Variants in ERCC3 observed in about 807,000 individuals in gnomAD.
The protein encoded by ERCC3 is general transcription and DNA repair factor IIH helicase/translocase subunit XPB.
Under a neutral mutation model 94.2 loss-of-function variants are expected in ERCC3, and 66 were observed. The ratio of observed to expected loss-of-function variants is 0.70; its 90% CI spans 0.57 to 0.86. ERCC3 has a LOEUF of 0.86. Among genes scored for constraint, ERCC3 ranks in the 40% least tolerant of loss-of-function variants. ERCC3 has a pLI of 0.00. For missense variants in ERCC3, 829 were observed against 987.1 expected (o/e 0.84, Z 2.15); for synonymous variants, 349 against 369.1 (o/e 0.95, Z 0.63).
At chr2:127,287,383 A>C (rs1294052803) in intron 7 of ERCC3, among the ~76,000 whole-genome samples, 1 of 152,266 alleles carries the variant, frequency 6.6e-6, no homozygotes, top group African/African-American at 2.4e-5. Context: ...CTGTAATCCC[A>C]GCACTTTGGG....
Position 127,292,618 on chromosome 2 carries a change from A to C in ERCC3, c.463T>G (p.Phe155Val). The C allele has an allele frequency of 6.2e-7, 1 of 1,608,702 alleles. No individual in the cohort carries two copies. Among genetic ancestry groups the C allele is most frequent in the Non-Finnish European group, 8.5e-7 (1 of 1,175,192 alleles). The change falls in exon 3 of 15, where the codon TTT becomes GTT. Residue 155 changes from phenylalanine (F) to valine (V), a missense_variant. Physicochemically the swap from Phe to Val is conservative, Grantham distance 50. Transcript: ENST00000285398. ...KTGVPDGIMQFIKLCTVSYGK... is the reference protein window; with the variant it reads ...KTGVPDGIMQVIKLCTVSYGK... Reference sequence around the variant, plus strand: ...TCTCAGCTGTCACTTGCCTTAATAAACTGCATAATTCCATCAGGGACTCCA... The same window carrying C: ...TCTCAGCTGTCACTTGCCTTAATAACCTGCATAATTCCATCAGGGACTCCA...
Position 127,280,812 on chromosome 2 carries a change from C to A in ERCC3, c.1343-181G>T. ...AAAGTGCTGGGATTACAGACGTGAC[C>A]CACTGCACCCAGCCTACACTGTCAC... On this transcript the variant is annotated intron_variant, in intron 8 of 14. Coordinates refer to ENST00000285398, the MANE Select transcript of ERCC3 (RefSeq NM_000122.2). The surrounding 1 kb of genome is among the most constrained non-coding windows in gnomAD (Gnocchi z 6.3). 1 of 628,058 alleles carries A rather than the reference C, an allele frequency of 1.6e-6. No individual in the cohort carries two copies. 38.9% of individuals were successfully genotyped at this position (628,058 alleles called of 1,614,324 possible).
chr2:127,276,340 A>G (rs1684735266), intron 10 of ERCC3, among the ~76,000 whole-genome samples: 2 of 152,242 alleles, frequency 1.3e-5, no homozygotes, highest in Admixed American at 1.3e-4. Context: ...CCAGGTTTTC[A>G]GTGACTTTAA....
chr2:127,293,811 T>G, intron 1 of ERCC3, 93 bp from the exon 2 acceptor site: 2 of 1,599,210 alleles, frequency 1.3e-6, no homozygotes, highest in South Asian at 2.2e-5. Context: ...CGCCGCAAAC[T>G]CCTAGCTAAG....
chr2:127,293,817 C>T (rs1685367792), intron 1 of ERCC3, 99 bp from the exon 2 acceptor site: 2 of 1,596,870 alleles, frequency 1.3e-6, no homozygotes, highest in African/African-American at 1.3e-5. Flanking sequence ...AAACTCCTAG[C>T]TAAGAGCCAC....
At position 127,258,287 on chromosome 2, in the gene ERCC3, C is replaced by A. The variant is rs528574648; in HGVS notation, c.2218-560G>T. Among the ~76,000 whole-genome samples, 1 of 152,138 alleles carries A rather than the reference C, an allele frequency of 6.6e-6. No individual in the cohort carries two copies. The highest frequency in any genetic ancestry group is 2.4e-5 in the African/African-American group (1 of 41,422). ...AAGTTCCTTAAAATCTCCTGAGACACCACCATAAGGCTTTGAATCAAGTGG... is the reference window on the plus strand; with the variant it reads ...AAGTTCCTTAAAATCTCCTGAGACAACACCATAAGGCTTTGAATCAAGTGG... On this transcript the variant is annotated intron_variant, in intron 14 of 14. Transcript: ENST00000285398. This position sits in a 1 kb window ranked among gnomAD's most constrained non-coding sequence, Gnocchi z 4.1.
chr2:127,282,101 C>A lies in ERCC3; in HGVS notation c.1343-1470G>T, dbSNP rs534235461. ...CAGCATACTACTCAATATATTTTTA[C>A]AGACATGCAGCTGTGGAACCACCTA... On this transcript the variant is annotated intron_variant, in intron 8 of 14. Transcript: ENST00000285398. Among the ~76,000 whole-genome samples the A allele has an allele frequency of 3.3e-5, 5 of 152,278 alleles. 1 individual carries two copies. The highest frequency in any genetic ancestry group is 9.6e-5 in the African/African-American group (4 of 41,554).
rs1383874408 is a variant in ERCC3 at position 127,279,346 on chromosome 2, G to A, written c.1557C>T (p.Tyr519=). The stretch of plus-strand genomic sequence containing the variant: ...TGGTTTTGATTGCCACATATTCCCG[G>A]TAAAATTCAGGAGACATAGGGCACC... ...EVWCPMSPEF[Y]REYVAIKTKK... is the part of the protein sequence containing the mutation. Residue 519 remains tyrosine, a synonymous_variant, in exon 10 of 15, where the codon TAC becomes TAT. Transcript: ENST00000285398. The surrounding 1 kb of genome is among the most constrained non-coding windows in gnomAD (Gnocchi z 4.7). The A allele has an allele frequency of 1.9e-6, 3 of 1,614,010 alleles. No homozygotes were observed. Among genetic ancestry groups the A allele is most frequent in the Non-Finnish European group, 2.5e-6 (3 of 1,179,922 alleles).
chr2:127,263,108 G>A (rs1322781251), intron 12 of ERCC3, among the ~76,000 whole-genome samples: 1 of 152,150 alleles, frequency 6.6e-6, no homozygotes, highest in Non-Finnish European at 1.5e-5. Context: ...CTTTGGCTTT[G>A]TTCCTTTTGC....
At chr2:127,266,721 T>TA (rs1558949904) in intron 12 of ERCC3, among the ~76,000 whole-genome samples, 1 of 145,110 alleles carries the variant, frequency 6.9e-6, no homozygotes, top group African/African-American at 2.6e-5. Flanking sequence ...TTTTTTTTTT[T>TA]TTTTTTTTTT....
intron 10 of ERCC3, among the ~76,000 whole-genome samples, chr2:127,278,058 A>G (rs1484862464): frequency 1.3e-5 from 2 of 151,986 alleles, no homozygotes; most frequent in African/African-American, 2.4e-5. Context: ...TGGGCAACAT[A>G]GCAAAACCCC....
rs141971239 is a variant in ERCC3 at position 127,257,665 on chromosome 2, C to A, written c.2280G>T (p.Glu760Asp). 6.2e-7 allele frequency: 1 copy of A among 1,614,172 alleles called. No individual in the cohort carries two copies. Among genetic ancestry groups the A allele is most frequent in the Non-Finnish European group, 8.5e-7 (1 of 1,180,014 alleles). The change falls in exon 15 of 15, where the codon GAG (glutamate) becomes GAT (aspartate). Residue 760 changes from glutamate (E) to aspartate (D), a missense_variant. Coordinates refer to ENST00000285398, the MANE Select transcript of ERCC3 (RefSeq NM_000122.2). This position sits in a 1 kb window ranked among gnomAD's most constrained non-coding sequence, Gnocchi z 5.4. ...MSGADDTVYM[E>D]YHSSRSKAPS... The stretch of plus-strand genomic sequence containing the variant: ...GCGCCTTGCTCCGCGATGAGTGGTA[C>A]TCCATGTACACAGTGTCGTCGGCCC...
intron 6 of ERCC3, 35 bp from the exon 7 acceptor site, chr2:127,288,899 T>G (rs571016280): frequency 1.3e-6 from 2 of 1,515,620 alleles, no homozygotes; most frequent in African/African-American, 2.7e-5. Context: ...TTTAAAATCT[T>G]GTTACTGTGC....
At position 127,293,535 on chromosome 2, in the gene ERCC3, T is replaced by C. The variant is rs1258618385; in HGVS notation, c.212A>G (p.His71Arg). Residue 71 changes from histidine to arginine, a missense_variant, in exon 2 of 15, where the codon CAC (histidine) becomes CGC (arginine). Physicochemically the swap from His to Arg is conservative, Grantham distance 29. Coordinates refer to ENST00000285398, the MANE Select transcript of ERCC3 (RefSeq NM_000122.2). Reference protein sequence around the residue: ...YRLQMPLKDDHTSRPLWVAPD... With the variant: ...YRLQMPLKDDRTSRPLWVAPD... ...TACCACCCAGAGGGGCCTGGAGGTG[T>C]GGTCGTCCTTCAGCGGCATTTGCAG... The C allele has an allele frequency of 1.9e-6, 3 of 1,614,130 alleles. No individual in the cohort carries two copies. The highest frequency in any genetic ancestry group is 1.7e-6 in the Non-Finnish European group (2 of 1,180,014).
In ERCC3 at chr2:127,279,431, A is replaced by G; in HGVS notation, c.1528-56T>C. The G allele has an allele frequency of 1.5e-6, 2 of 1,350,584 alleles. 1 individual carries two copies. The allele number at this position is 1,350,584 out of a possible 1,614,324, so 83.7% of individuals were successfully genotyped here. On this transcript the variant is annotated intron_variant, in intron 9 of 14. Coordinates refer to ENST00000285398, the MANE Select transcript of ERCC3 (RefSeq NM_000122.2). The surrounding 1 kb of genome is among the most constrained non-coding windows in gnomAD (Gnocchi z 4.7). ...TACAAGTTTAAACACCACACAATTT[A>G]AAACTTTTGAAGACCTTTCTCTAGC...
intron 12 of ERCC3, among the ~76,000 whole-genome samples, chr2:127,265,746 T>C (rs1684336789): frequency 6.6e-6 from 1 of 152,228 alleles, no homozygotes; most frequent in Admixed American, 6.5e-5. Context: ...ACCAGCTTTT[T>C]ATTTCATTGA....
rs140275324 is a variant in ERCC3 at position 127,264,031 on chromosome 2, G to T, written c.1946-2685C>A. ...GGCTGTCTTGTTCCAGTTCTTAAAG[G>T]GAATGCTTCCAGCTTTTGCTTACTT... is the stretch of plus-strand genomic sequence containing the variant. On this transcript the variant is annotated intron_variant, in intron 12 of 14. Coordinates refer to ENST00000285398, the MANE Select transcript of ERCC3 (RefSeq NM_000122.2). This position sits in a 1 kb window ranked among gnomAD's most constrained non-coding sequence, Gnocchi z 4.4. Among the ~76,000 whole-genome samples, 71 of 152,218 alleles carry T rather than the reference G, an allele frequency of 4.7e-4. No individual in the cohort carries two copies. Among genetic ancestry groups the T allele is most frequent in the African/African-American group, 1.6e-3 (66 of 41,522 alleles).
At chr2:127,293,831 C>A (rs753911465) in intron 1 of ERCC3, 113 bp from the exon 2 acceptor site, 18 of 1,588,954 alleles carry the variant, frequency 1.1e-5, no homozygotes, top group Non-Finnish European at 1.5e-5. Flanking sequence ...GAGCCACCTG[C>A]ATCCCGCAGG....
In ERCC3 at chr2:127,280,392, C is replaced by T; in HGVS notation, c.1527+55G>A. 1.3e-6 allele frequency: 2 copies of T among 1,491,812 alleles called. No homozygotes were observed. The highest frequency in any genetic ancestry group is 2.4e-5 in the East Asian group (1 of 42,462). The allele number at this position is 1,491,812 out of a possible 1,614,324, so 92.4% of individuals were successfully genotyped here. Reference sequence around the variant, plus strand: ...CCATGAGGAATCGATCTGATCACTCCCCTGCCCATAGGAGGAGGCCCTTTC... The same window carrying T: ...CCATGAGGAATCGATCTGATCACTCTCCTGCCCATAGGAGGAGGCCCTTTC... On this transcript the variant is annotated intron_variant, in intron 9 of 14. Coordinates refer to ENST00000285398, the MANE Select transcript of ERCC3 (RefSeq NM_000122.2). The surrounding 1 kb of genome is among the most constrained non-coding windows in gnomAD (Gnocchi z 6.3).
Sources: allele counts gnomAD v4.1 joint callset (sites outside exome capture counted in the v4.1 genomes callset), GRCh38; gene constraint gnomAD v4.1.1; non-coding constraint Gnocchi (gnomAD v3.1); transcripts MANE v1.5; gene names NCBI Gene and HGNC (gene_info 2026-07-23, HGNC 2026-07-21).